ASIC1: variants seen among roughly 807,000 people sequenced by gnomAD.
ASIC1 encodes the protein acid-sensing ion channel 1.
Under a neutral mutation model 63.4 loss-of-function variants are expected in ASIC1, and 21 were observed. That is an observed-to-expected ratio of 0.33 (90% CI 0.23 to 0.48). ASIC1 has a LOEUF of 0.48. Ranked by LOEUF, ASIC1 falls within the 20% of genes least tolerant of loss-of-function variation. The pLI is 0.99. For synonymous variants in ASIC1, 258 were observed against 278.2 expected, an observed-to-expected ratio of 0.93 and a Z score of 0.72; for missense variants, 478 against 695.5, an observed-to-expected ratio of 0.69 and a Z score of 3.52.
intron 3 of ASIC1, among the ~76,000 whole-genome samples, chr12:50,076,006 C>T (rs1021560363): frequency 9.2e-5 from 14 of 151,688 alleles, no homozygotes; most frequent in Non-Finnish European, 2.1e-4. Context: ...AGCATTAACG[C>T]ACACACCATG....
In ASIC1 at chr12:50,081,878, C is replaced by T. The variant is rs530896315; in HGVS notation, c.*229C>T. Reference sequence around the variant, plus strand: ...CTAAAAAAGAACTAAAAAGGGAGAACGGGGCAAGGGACCTCAGGCTGCCCC... The same window carrying T: ...CTAAAAAAGAACTAAAAAGGGAGAATGGGGCAAGGGACCTCAGGCTGCCCC... On this transcript the variant is annotated 3_prime_UTR_variant, in exon 12 of 12. Transcript: ENST00000447966. 2.0e-5 allele frequency: 11 copies of T among 556,148 alleles called. No homozygotes were observed. Among genetic ancestry groups the T allele is most frequent in the African/African-American group, 3.8e-5 (2 of 52,702 alleles). The allele number at this position is 556,148 out of a possible 1,614,324, so 34.5% of individuals were successfully genotyped here. A position where few individuals can be genotyped will look rare whatever the true frequency, so the allele number is the denominator to read the frequency against.
intron 8 of ASIC1, 88 bp from the exon 9 acceptor site, chr12:50,080,410 C>G (rs1330848202): frequency 7.9e-7 from 1 of 1,270,032 alleles, no homozygotes; most frequent in East Asian, 2.4e-5. Context: ...AACTGAGATT[C>G]AGAGAGGCTG....
intron 3 of ASIC1, among the ~76,000 whole-genome samples, chr12:50,076,394 G>T (rs940850380): frequency 6.6e-6 from 1 of 151,902 alleles, no homozygotes; most frequent in Non-Finnish European, 1.5e-5. Flanking sequence ...TTGAGCCCAG[G>T]AGGCGGAAGT....
chr12:50,064,578 T>A (rs996495564), intron 3 of ASIC1, among the ~76,000 whole-genome samples: 1 of 152,138 alleles, frequency 6.6e-6, no homozygotes. Context: ...GGGCCAAGCC[T>A]GGAAGTGGAG....
At position 50,058,793 on chromosome 12, in the gene ASIC1, G is replaced by A. The variant is rs745899518; in HGVS notation, c.27G>A (p.Glu9=). 6.3e-6 allele frequency: 10 copies of A among 1,593,756 alleles called. No individual in the cohort carries two copies. Among genetic ancestry groups the A allele is most frequent in the African/African-American group, 1.3e-5 (1 of 74,686 alleles). The change falls in exon 2 of 12, where the codon GAG becomes GAA. Residue 9 remains glutamate, a synonymous_variant. Transcript: ENST00000447966. The part of the protein sequence containing the change: MELKAEEE[E]VGGVQPVSIQ... The stretch of plus-strand genomic sequence containing the variant: ...TGGAACTGAAGGCCGAGGAGGAGGA[G>A]GTGGGTGGCGTCCAGCCGGTGAGCA...
At chr12:50,069,288 A>ATTTAT (rs1037622359) in intron 3 of ASIC1, among the ~76,000 whole-genome samples, 1 of 130,232 alleles carries the variant, frequency 7.7e-6, no homozygotes, top group African/African-American at 2.7e-5. Flanking sequence ...TTATTTATTT[A>ATTTAT]TTTATTATTT....
chr12:50,074,320 G>C lies in ASIC1; in HGVS notation c.559-2893G>C. ...CTGTCCCTGACTGTCACCTCCTGGG[G>C]TTGGGGCTGGGGCTGGGGCTGGGGC... On this transcript the variant is annotated intron_variant, in intron 3 of 11. Coordinates refer to ENST00000447966, the MANE Select transcript of ASIC1 (RefSeq NM_001095.4). This position sits in a 1 kb window ranked among gnomAD's most constrained non-coding sequence, Gnocchi z 4.2. The C allele has an allele frequency of 7.0e-7, 1 of 1,425,916 alleles. No individual in the cohort carries two copies. Among genetic ancestry groups the C allele is most frequent in the Non-Finnish European group, 9.1e-7 (1 of 1,092,912 alleles). 88.3% of individuals were successfully genotyped at this position (1,425,916 alleles called of 1,614,324 possible).
chr12:50,058,627 G>A (rs1390796534), intron 1 of ASIC1, 124 bp from the exon 2 acceptor site: 12 of 1,272,736 alleles, frequency 9.4e-6, no homozygotes, highest in East Asian at 2.5e-5. Context: ...GCAAAGCAGG[G>A]AAGTCTTCTG....
intron 8 of ASIC1, 21 bp from the exon 9 acceptor site, chr12:50,080,477 C>A: frequency 6.2e-7 from 1 of 1,611,530 alleles, no homozygotes; most frequent in Non-Finnish European, 8.5e-7. Context: ...ACCTAGGTCT[C>A]CTCCCCCAAT....
intron 3 of ASIC1, among the ~76,000 whole-genome samples, chr12:50,063,161 TG>T (rs1251634019): frequency 1.3e-5 from 2 of 151,908 alleles, no homozygotes; most frequent in African/African-American, 4.8e-5. Flanking sequence ...TGCCCCACCT[TG>T]AGGCCAGCCA....
intron 3 of ASIC1, among the ~76,000 whole-genome samples, chr12:50,066,479 A>T (rs1950546856): frequency 6.6e-6 from 1 of 152,154 alleles, no homozygotes; most frequent in Non-Finnish European, 1.5e-5. Context: ...GAGTAGGCCT[A>T]GTTTTTTGAT....
chr12:50,059,851 TC>T lies in ASIC1; in HGVS notation c.456del (p.Phe152LeufsTer56). ...TTCCGCAGCTTCAAACCCAAACCCT[TC>T]AACATGCGTGAGTTCTACGACCGAG... ...ANFRSFKPKP[F>X]NMREFYDRAG... On this transcript the variant is annotated frameshift_variant, in exon 3 of 12. Coordinates refer to ENST00000447966, the MANE Select transcript of ASIC1 (RefSeq NM_001095.4). LOFTEE classifies it high-confidence loss of function. This position sits in a 1 kb window ranked among gnomAD's most constrained non-coding sequence, Gnocchi z 4.6. The T allele has an allele frequency of 6.2e-7, 1 of 1,614,116 alleles. No individual in the cohort carries two copies. Among genetic ancestry groups the T allele is most frequent in the Non-Finnish European group, 8.5e-7 (1 of 1,179,996 alleles).
At position 50,081,903 on chromosome 12, in the gene ASIC1, C is replaced by T; in HGVS notation, c.*254C>T. 1 of 514,074 alleles carries T rather than the reference C, an allele frequency of 1.9e-6. No homozygotes were observed. Among genetic ancestry groups the T allele is most frequent in the East Asian group, 3.5e-5 (1 of 28,962 alleles). The allele number at this position is 514,074 out of a possible 1,614,324, so 31.8% of individuals were successfully genotyped here. On this transcript the variant is annotated 3_prime_UTR_variant, in exon 12 of 12. Transcript: ENST00000447966. Reference sequence around the variant, plus strand: ...CGGGGCAAGGGACCTCAGGCTGCCCCTCTCTCCTCCATGCTGCCTCCCCTA... The same window carrying T: ...CGGGGCAAGGGACCTCAGGCTGCCCTTCTCTCCTCCATGCTGCCTCCCCTA...
chr12:50,074,114 GC>G lies in ASIC1; in HGVS notation c.559-3096del, dbSNP rs956789566. 13 of 1,535,612 alleles carry G rather than the reference GC, an allele frequency of 8.5e-6. No individual in the cohort carries two copies. The highest frequency in any genetic ancestry group is 1.4e-5 in the African/African-American group (1 of 73,028). On this transcript the variant is annotated intron_variant, in intron 3 of 11. Transcript: ENST00000447966. The surrounding 1 kb of genome is among the most constrained non-coding windows in gnomAD (Gnocchi z 4.2). Reference sequence around the variant, plus strand: ...CCCGGGGTGCCCCTCGCTCCACCGGGCCCTGAGGCCTTCTCTGGGGAGCCCT... The same window carrying G: ...CCCGGGGTGCCCCTCGCTCCACCGGGCCTGAGGCCTTCTCTGGGGAGCCCT...
rs1459607082 is a variant in ASIC1, at chr12:50,081,660, C to T, written c.*11C>T. 6.2e-7 allele frequency: 1 copy of T among 1,612,428 alleles called. No homozygotes were observed. Among genetic ancestry groups the T allele is most frequent in the East Asian group, 2.2e-5 (1 of 44,824 alleles). ...GACTTTACCTGCTGAGCCCCGCAGG[C>T]CGCTGAACCAAAGGCCTAGATGGGG... is the stretch of plus-strand genomic sequence containing the variant. On this transcript the variant is annotated 3_prime_UTR_variant, in exon 12 of 12. Transcript: ENST00000447966.
chr12:50,081,534 C>G lies in ASIC1; in HGVS notation c.1483-11C>G, dbSNP rs1311070451. 6.2e-7 allele frequency: 1 copy of G among 1,613,962 alleles called. No individual in the cohort carries two copies. Among genetic ancestry groups the G allele is most frequent in the Non-Finnish European group, 8.5e-7 (1 of 1,179,894 alleles). On this transcript the variant is annotated splice_polypyrimidine_tract_variant and intron_variant, in intron 11 of 11. Coordinates refer to ENST00000447966, the MANE Select transcript of ASIC1 (RefSeq NM_001095.4). ...GGGATAACCCGTCCCTGTCCTGTCCCCTTCCCCCAGAACCCGTGCGAGAGC... is the reference window on the plus strand; with the variant it reads ...GGGATAACCCGTCCCTGTCCTGTCCGCTTCCCCCAGAACCCGTGCGAGAGC...
chr12:50,079,825 G>A, intron 7 of ASIC1, 77 bp from the exon 8 acceptor site: 1 of 1,512,538 alleles, frequency 6.6e-7, no homozygotes, highest in African/African-American at 1.4e-5. Flanking sequence ...TCTCTGGGCA[G>A]AGCTAGGATG....
At chr12:50,063,393 C>T (rs567497758) in intron 3 of ASIC1, among the ~76,000 whole-genome samples, 52 of 152,322 alleles carry the variant, frequency 3.4e-4, no homozygotes, top group African/African-American at 1.2e-3. Context: ...CTATGCCACC[C>T]CCTCCTCCGC....
chr12:50,069,256 TTTTATTTATTTATTTATTTA>T (rs58172412), intron 3 of ASIC1, among the ~76,000 whole-genome samples: 1 of 146,300 alleles, frequency 6.8e-6, no homozygotes, highest in Non-Finnish European at 1.5e-5. Context: ...TTATTTTTTA[TTTTATTTATTTATTTATTTA>T]TTTATTTATT....
Sources: allele counts gnomAD v4.1 joint callset (sites outside exome capture counted in the v4.1 genomes callset), GRCh38; gene constraint gnomAD v4.1.1; non-coding constraint Gnocchi (gnomAD v3.1); transcripts MANE v1.5; gene names NCBI Gene and HGNC (gene_info 2026-07-23, HGNC 2026-07-21).